STPG4: variants seen among roughly 807,000 people sequenced by gnomAD.
STPG4 encodes protein STPG4.
A neutral mutation model predicts 31.5 loss-of-function variants in STPG4; 41 were observed. The ratio of observed to expected loss-of-function variants is 1.30; its 90% CI spans 1.01 to 1.69. STPG4 has a LOEUF of 1.69. Among genes scored for constraint, STPG4 ranks in the 40% most tolerant of loss-of-function variants. The pLI is 0.00. For synonymous variants in STPG4, 141 were observed against 103.0 expected (o/e 1.37, Z -2.24); for missense variants, 375 against 293.4 (o/e 1.28, Z -2.03).
chr2:47,151,151 G>A (rs1359452942), intron 3 of STPG4, 107 bp downstream of exon 3: 5 of 1,351,784 alleles, frequency 3.7e-6, no homozygotes, highest in African/African-American at 1.5e-5. Context: ...ACATCTTAAA[G>A]GTTTTCCATT....
intron 5 of STPG4, among the ~76,000 whole-genome samples, chr2:47,111,471 G>A: frequency 6.6e-6 from 1 of 152,142 alleles, no homozygotes; most frequent in East Asian, 1.9e-4. Flanking sequence ...AGGAGTGAAG[G>A]GAGGAGAAAC....
At chr2:47,132,280 A>G (rs1282792376) in intron 3 of STPG4, among the ~76,000 whole-genome samples, 1 of 152,148 alleles carries the variant, frequency 6.6e-6, no homozygotes, top group African/African-American at 2.4e-5. Flanking sequence ...GAGGAGGGGA[A>G]GAGTTATATT....
intron 3 of STPG4, among the ~76,000 whole-genome samples, chr2:47,148,582 C>T (rs1009459520): frequency 6.6e-6 from 1 of 151,888 alleles, no homozygotes; most frequent in African/African-American, 2.4e-5. Flanking sequence ...GCACAATGTG[C>T]AGGTTTGTTA....
At chr2:47,097,019 A>G (rs531939402) in intron 5 of STPG4, among the ~76,000 whole-genome samples, 1 of 152,154 alleles carries the variant, frequency 6.6e-6, no homozygotes, top group East Asian at 1.9e-4. Flanking sequence ...ATCTGGAGTA[A>G]CCCCTTGAAG....
intron 5 of STPG4, among the ~76,000 whole-genome samples, chr2:47,127,451 T>C (rs115998665): frequency 0.026 from 3,917 of 152,094 alleles, 60 homozygotes; most frequent in Non-Finnish European, 0.033. Context: ...GTATTTTTAG[T>C]AGAGACAAGC....
At chr2:47,094,859 G>T (rs1439108449) in intron 5 of STPG4, among the ~76,000 whole-genome samples, 1 of 152,188 alleles carries the variant, frequency 6.6e-6, no homozygotes. Flanking sequence ...CTTCTGATGG[G>T]TCATAATGCT....
At chr2:47,096,709 G>T (rs1458082128) in intron 5 of STPG4, among the ~76,000 whole-genome samples, 2 of 152,162 alleles carry the variant, frequency 1.3e-5, no homozygotes, top group Non-Finnish European at 2.9e-5. Context: ...ACTGAAACCT[G>T]CTGTGAGCAA....
intron 5 of STPG4, among the ~76,000 whole-genome samples, chr2:47,127,252 C>CTTTTTTTTTTTTTTTTTTTTTTTTTTTT (rs57475505): frequency 8.7e-5 from 5 of 57,456 alleles, no homozygotes; most frequent in Non-Finnish European, 1.1e-4. Flanking sequence ...CAAGCTAATT[C>CTTTTTTTTTTTTTTTTTTTTTTTTTTTT]TTTTTTTTTT....
intron 5 of STPG4, among the ~76,000 whole-genome samples, chr2:47,114,618 G>A (rs935984144): frequency 6.6e-6 from 1 of 152,166 alleles, no homozygotes; most frequent in African/African-American, 2.4e-5. Flanking sequence ...AGTTGTGTAT[G>A]TAATCAAAAG....
chr2:47,151,465 G>T lies in STPG4; in HGVS notation c.192C>A (p.Ser64=). 1 of 1,613,812 alleles carries T rather than the reference G, an allele frequency of 6.2e-7. No individual in the cohort carries two copies. The highest frequency in any genetic ancestry group is 8.5e-7 in the Non-Finnish European group (1 of 1,179,764). The change falls in exon 3 of 7, where the codon TCC becomes TCA. Residue 64 remains serine (S), a synonymous_variant. Transcript: ENST00000445927. The part of the protein sequence containing the change: ...TYHLKTFIEE[S]LLNPVIATYN... ...AGGTTGCTATCACTGGATTTAATAG[G>T]GATTCTTCAATAAAAGTTTTCAAGT...
intron 5 of STPG4, among the ~76,000 whole-genome samples, chr2:47,104,798 G>T (rs1465951154): frequency 6.6e-6 from 1 of 151,976 alleles, no homozygotes; most frequent in Non-Finnish European, 1.5e-5. Flanking sequence ...GCTAATCAAG[G>T]GTACAAGGTG....
chr2:47,142,865 CAG>C (rs1686743038), intron 3 of STPG4, among the ~76,000 whole-genome samples: 1 of 69,304 alleles, frequency 1.4e-5, no homozygotes, highest in South Asian at 4.9e-4. Context: ...TTTTTTGAGA[CAG>C]AGTTTTGCTC....
At chr2:47,146,259 T>A (rs183897422) in intron 3 of STPG4, among the ~76,000 whole-genome samples, 293 of 152,352 alleles carry the variant, frequency 1.9e-3, no homozygotes, top group Non-Finnish European at 2.7e-3. Context: ...GAGACATTTT[T>A]GGTTGTTACA....
intron 3 of STPG4, among the ~76,000 whole-genome samples, chr2:47,133,017 A>G (rs945560731): frequency 9.2e-5 from 14 of 152,300 alleles, no homozygotes; most frequent in Non-Finnish European, 1.9e-4. Flanking sequence ...CGTAATTGAA[A>G]GGGGGCTTTT....
intron 5 of STPG4, among the ~76,000 whole-genome samples, chr2:47,095,230 G>C (rs984536830): frequency 1.3e-5 from 2 of 152,204 alleles, no homozygotes; most frequent in African/African-American, 4.8e-5. Flanking sequence ...TTGGAAATAG[G>C]GTTGTTGCAG....
intron 5 of STPG4, among the ~76,000 whole-genome samples, chr2:47,117,930 A>ATATATATATATTTT (rs1491090707): frequency 8.5e-6 from 1 of 117,514 alleles, no homozygotes; most frequent in African/African-American, 3.8e-5. Context: ...ATATATATAT[A>ATATATATATATTTT]TTTTTTTTTT....
chr2:47,089,294 TG>T (rs1187500619), intron 6 of STPG4, among the ~76,000 whole-genome samples: 2 of 152,316 alleles, frequency 1.3e-5, no homozygotes, highest in East Asian at 3.9e-4. Context: ...GCAATTTCAC[TG>T]GCAGGGCCTC....
intron 5 of STPG4, among the ~76,000 whole-genome samples, chr2:47,115,647 A>G (rs1686133575): frequency 7.4e-6 from 1 of 134,718 alleles, no homozygotes; most frequent in Non-Finnish European, 1.5e-5. Context: ...TGTTCACATT[A>G]AAGGCTTTTT....
At chr2:47,149,575 T>A (rs1194264655) in intron 3 of STPG4, among the ~76,000 whole-genome samples, 2 of 152,228 alleles carry the variant, frequency 1.3e-5, no homozygotes, top group Non-Finnish European at 2.9e-5. Flanking sequence ...AGCTACAATT[T>A]GTAAAGTAGT....
Sources: gnomAD v4.1 joint callset for allele counts (sites outside exome capture counted in the v4.1 genomes callset) on GRCh38, gnomAD v4.1.1 for gene constraint, MANE v1.5 for transcripts, NCBI Gene and HGNC (gene_info 2026-07-23, HGNC 2026-07-21) for gene names.